VPS37B: variants seen among roughly 807,000 people sequenced by gnomAD.
VPS37B encodes the protein vacuolar protein sorting-associated protein 37B.
A neutral mutation model predicts 21.2 loss-of-function variants in VPS37B; 11 were observed. The observed-to-expected ratio is 0.52, with a 90% confidence interval of 0.33 to 0.86. VPS37B has a LOEUF of 0.86. Among genes scored for constraint, VPS37B ranks in the 40% least tolerant of loss-of-function variants. The pLI, the probability that VPS37B is intolerant of heterozygous loss-of-function variation, is 0.03. For missense variants in VPS37B, 389 were observed against 374.8 expected (o/e 1.04, Z -0.31); for synonymous variants, 175 against 159.6 (o/e 1.10, Z -0.73).
At chr12:122,888,917 T>A in intron 1 of VPS37B, 2 of 249,248 alleles carry the variant, frequency 8.0e-6, no homozygotes, top group South Asian at 7.8e-5. Flanking sequence ...GACAAAGCCC[T>A]GCCCATCCCT....
intron 1 of VPS37B, chr12:122,887,546 C>T (rs1472281940): frequency 1.3e-5 from 2 of 152,310 alleles, no homozygotes; most frequent in Non-Finnish European, 2.9e-5. Context: ...TCCCTCATTA[C>T]CTGGCTAACT....
rs765254455 is a variant in VPS37B at position 122,867,180 on chromosome 12, G to A, written c.794C>T (p.Pro265Leu). The A allele has an allele frequency of 6.4e-7, 1 of 1,563,124 alleles. No individual in the cohort carries two copies. Among genetic ancestry groups the A allele is most frequent in the Admixed American group, 2.0e-5 (1 of 50,652 alleles). Residue 265 changes from proline to leucine, a missense_variant, in exon 4 of 4, where the codon CCA (proline) becomes CTA (leucine). Pro to Leu is a moderately conservative substitution (Grantham distance 98). Coordinates refer to ENST00000267202, the MANE Select transcript of VPS37B (RefSeq NM_024667.3). The surrounding 1 kb of genome is among the most constrained non-coding windows in gnomAD (Gnocchi z 5.5). ...FSSQFVSPYP[P>L]PLPQRPPPRL... ...GGGCGGGGGTCTCTGAGGGAGAGGT[G>A]GCGGATATGGGGACACGAACTGCGA...
intron 1 of VPS37B, chr12:122,888,539 C>T (rs1387657461): frequency 8.8e-6 from 4 of 456,052 alleles, no homozygotes; most frequent in South Asian, 3.1e-5. Context: ...ATCTCCATAG[C>T]AACATTCTGC....
intron 1 of VPS37B, among the ~76,000 whole-genome samples, chr12:122,893,700 A>G (rs1335892124): frequency 6.7e-6 from 1 of 149,212 alleles, no homozygotes; most frequent in Non-Finnish European, 1.5e-5. Context: ...TTTTAAAAGC[A>G]CTACACCCAG....
At chr12:122,889,892 G>C (rs1051008929) in intron 1 of VPS37B, 2 of 152,226 alleles carry the variant, frequency 1.3e-5, no homozygotes, top group African/African-American at 4.8e-5. Context: ...CATGCCATCT[G>C]GCCAAAGTAG....
At chr12:122,892,570 A>G (rs987886616) in intron 1 of VPS37B, among the ~76,000 whole-genome samples, 6 of 152,024 alleles carry the variant, frequency 3.9e-5, no homozygotes, top group Non-Finnish European at 8.8e-5. Context: ...GGCCTGTTAT[A>G]TTTACCATTT....
chr12:122,886,318 C>T (rs1474559162), intron 1 of VPS37B: 2 of 152,324 alleles, frequency 1.3e-5, no homozygotes, highest in African/African-American at 4.8e-5. Context: ...CACACTCTAG[C>T]AGAAGAAACA....
chr12:122,867,050 C>T lies in VPS37B; in HGVS notation c.*66G>A. 6.9e-7 allele frequency: 1 copy of T among 1,452,498 alleles called. No homozygotes were observed. The allele number at this position is 1,452,498 out of a possible 1,614,324, so 90.0% of individuals were successfully genotyped here. A position where few individuals can be genotyped will look rare whatever the true frequency, so the allele number is the denominator to read the frequency against. ...TTGGCACAGAGCGGACCTCCAGCCT[C>T]CTTCCCGTGAGCAGAGCACAACACG... is the stretch of plus-strand genomic sequence containing the variant. On this transcript the variant is annotated 3_prime_UTR_variant, in exon 4 of 4. Transcript: ENST00000267202. This position sits in a 1 kb window ranked among gnomAD's most constrained non-coding sequence, Gnocchi z 5.5.
At chr12:122,880,478 A>G (rs1000609864) in intron 1 of VPS37B, 2 of 152,168 alleles carry the variant, frequency 1.3e-5, no homozygotes, top group East Asian at 1.9e-4. Flanking sequence ...CTTAGAAAGC[A>G]TATCAGAATG....
Position 122,865,528 on chromosome 12 carries a change from A to T in VPS37B, c.*1588T>A, listed in dbSNP as rs963867868. 6.6e-6 allele frequency: 1 copy of T among 152,266 alleles called. No individual in the cohort carries two copies. 9.4% of individuals were successfully genotyped at this position (152,266 alleles called of 1,614,324 possible). ...TGGCGGAGGTATGGGGGCGGGTGGCACCGCTCACTCGAGATTCACAGAACA... is the reference window on the plus strand; with the variant it reads ...TGGCGGAGGTATGGGGGCGGGTGGCTCCGCTCACTCGAGATTCACAGAACA... On this transcript the variant is annotated 3_prime_UTR_variant, in exon 4 of 4. Coordinates refer to ENST00000267202, the MANE Select transcript of VPS37B (RefSeq NM_024667.3).
intron 1 of VPS37B, chr12:122,886,462 A>T (rs2034331174): frequency 6.6e-6 from 1 of 152,212 alleles, no homozygotes; most frequent in African/African-American, 2.4e-5. Context: ...CTACACTAGA[A>T]ATCAAAAAAG....
rs1198517912 is a variant in VPS37B, at chr12:122,896,090, G to A, written c.-28C>T. The A allele has an allele frequency of 3.2e-6, 5 of 1,541,174 alleles. No homozygotes were observed. Among genetic ancestry groups the A allele is most frequent in the Admixed American group, 1.9e-5 (1 of 51,840 alleles). On this transcript the variant is annotated 5_prime_UTR_variant, in exon 1 of 4. Transcript: ENST00000267202. ...CCACGTCTCGGCCGTCGTCGCCACC[G>A]CCGCTGCGGCCACCAGGCTCCGCCG...
At chr12:122,885,707 G>A (rs1386101121) in intron 1 of VPS37B, 2 of 107,136 alleles carry the variant, frequency 1.9e-5, no homozygotes, top group South Asian at 3.1e-4. Context: ...TTTTTGAGAC[G>A]GAGTCTCGCT....
chr12:122,893,537 A>G (rs960422934), intron 1 of VPS37B, among the ~76,000 whole-genome samples: 1 of 152,178 alleles, frequency 6.6e-6, no homozygotes, highest in African/African-American at 2.4e-5. Context: ...AATGCATAGC[A>G]TTACCAGATG....
At chr12:122,891,215 C>T (rs1019251724) in intron 1 of VPS37B, among the ~76,000 whole-genome samples, 1 of 152,206 alleles carries the variant, frequency 6.6e-6, no homozygotes. Flanking sequence ...CACCACTGCA[C>T]TTTTAGCAAA....
intron 1 of VPS37B, chr12:122,882,292 T>C (rs1593918647): frequency 6.6e-6 from 1 of 152,224 alleles, no homozygotes; most frequent in East Asian, 1.9e-4. Flanking sequence ...TATGAAGTAA[T>C]GAAGTTTTTA....
intron 1 of VPS37B, chr12:122,878,481 T>C (rs1315961721): frequency 6.6e-6 from 1 of 152,212 alleles, no homozygotes; most frequent in African/African-American, 2.4e-5. Flanking sequence ...TGCTGAATGG[T>C]GTGCCCCCCT....
In VPS37B at chr12:122,893,596, G is replaced by A. The variant is rs546120032; in HGVS notation, c.111+2356C>T. On this transcript the variant is annotated intron_variant, in intron 1 of 3. Transcript: ENST00000267202. ...TTTCGGTTCACATTACACCCATTCC[G>A]AGAAAGGCACACCACACATGACCAG... is the stretch of plus-strand genomic sequence containing the variant. Among the ~76,000 whole-genome samples the A allele has an allele frequency of 1.9e-4, 29 of 152,212 alleles. No homozygotes were observed. The South Asian group carries it at 5.0e-3, about 26-fold the overall frequency.
intron 1 of VPS37B, chr12:122,871,888 T>C: frequency 1.0e-6 from 1 of 985,312 alleles, no homozygotes; most frequent in Non-Finnish European, 1.2e-6. Flanking sequence ...CTAGTTCCCT[T>C]TTCACTCACT....
Sources: allele counts gnomAD v4.1 joint callset (sites outside exome capture counted in the v4.1 genomes callset), GRCh38; gene constraint gnomAD v4.1.1; non-coding constraint Gnocchi (gnomAD v3.1); transcripts MANE v1.5; gene names NCBI Gene and HGNC (gene_info 2026-07-23, HGNC 2026-07-21).